The following BCAR3 variants were observed in gnomAD, a reference collection of about 807,000 sequenced individuals.
The protein encoded by BCAR3 is BCAR3 adaptor protein, NSP family member.
In BCAR3, 37 loss-of-function variants were observed where a neutral mutation model predicts 80.1. The ratio of observed to expected loss-of-function variants is 0.46; its 90% CI spans 0.36 to 0.61. The LOEUF (loss-of-function observed/expected upper bound fraction) is 0.61, where lower values mean the gene tolerates loss of function less well. Ranked by LOEUF, BCAR3 falls within the 20% of genes least tolerant of loss-of-function variation. The probability of loss-of-function intolerance (pLI) is 0.00; values close to 1 mark genes in which losing one functional copy is unlikely to be tolerated. For synonymous variants in BCAR3, 389 were observed against 418.9 expected (o/e 0.93, Z 0.87); for missense variants, 978 against 1,068.2 (o/e 0.92, Z 1.18).
intron 3 of BCAR3, among the ~76,000 whole-genome samples, chr1:93,630,143 C>T (rs1255814656): frequency 6.6e-6 from 1 of 152,048 alleles, no homozygotes; most frequent in Non-Finnish European, 1.5e-5. Flanking sequence ...CCCCATTTAC[C>T]CTGATGTGAT....
At chr1:93,583,908 C>T in intron 6 of BCAR3, 110 bp downstream of exon 6, 1 of 1,054,642 alleles carries the variant, frequency 9.5e-7, no homozygotes. Flanking sequence ...AGGCTGCAGG[C>T]CTGAGGCCTT....
chr1:93,725,705 T>C (rs904567873), intron 2 of BCAR3, among the ~76,000 whole-genome samples: 3 of 152,262 alleles, frequency 2.0e-5, no homozygotes, highest in Admixed American at 2.0e-4. Context: ...TATTCTTCAG[T>C]ATTCTCTCTA....
intron 2 of BCAR3, among the ~76,000 whole-genome samples, chr1:93,823,000 T>G (rs74101579): frequency 0.19 from 24,965 of 132,116 alleles, 6,581 homozygotes; most frequent in East Asian, 0.39. Flanking sequence ...AAGGCAATCT[T>G]CTGGGGCCCT....
intron 2 of BCAR3, chr1:93,845,508 T>TCA (rs1655144928): frequency 1.8e-5 from 1 of 56,388 alleles, no homozygotes; most frequent in Admixed American, 2.2e-4. Flanking sequence ...ATATAAAACT[T>TCA]TGTTTACATT....
intron 1 of BCAR3, among the ~76,000 whole-genome samples, chr1:93,676,157 G>C (rs1008821980): frequency 6.6e-6 from 1 of 152,132 alleles, no homozygotes; most frequent in Non-Finnish European, 1.5e-5. Context: ...ACTCAGGGAA[G>C]AGCTTTGCAT....
At chr1:93,694,937 C>T (rs1223008655) in intron 3 of BCAR3, among the ~76,000 whole-genome samples, 81 of 151,792 alleles carry the variant, frequency 5.3e-4, no homozygotes, top group Non-Finnish European at 1.2e-4. Flanking sequence ...TTCACCTGTG[C>T]TCCACCTCAG....
intron 2 of BCAR3, among the ~76,000 whole-genome samples, chr1:93,663,046 G>A (rs1055857231): frequency 6.6e-6 from 1 of 152,072 alleles, no homozygotes; most frequent in Admixed American, 6.5e-5. Flanking sequence ...TTATCGGGTG[G>A]CATTAGAGTC....
chr1:93,827,244 CTGGGAGACCAAAA>C (rs938002280), intron 2 of BCAR3, among the ~76,000 whole-genome samples: 2 of 152,256 alleles, frequency 1.3e-5, no homozygotes, highest in Non-Finnish European at 2.9e-5. Flanking sequence ...CAACCTTTAG[CTGGGAGACCAAAA>C]AGTACTGCAT....
intron 2 of BCAR3, among the ~76,000 whole-genome samples, chr1:93,817,206 G>T (rs1357458617): frequency 6.6e-6 from 1 of 152,224 alleles, no homozygotes; most frequent in East Asian, 1.9e-4. Context: ...CCTTATATGT[G>T]AGCAGGCACT....
intron 3 of BCAR3, among the ~76,000 whole-genome samples, chr1:93,624,755 T>A (rs1226767858): frequency 1.3e-5 from 2 of 152,222 alleles, no homozygotes; most frequent in African/African-American, 4.8e-5. Flanking sequence ...TTGTTCATGG[T>A]ATTTGCAAGA....
chr1:93,824,367 T>G (rs1311838454), intron 2 of BCAR3, among the ~76,000 whole-genome samples: 1 of 134,082 alleles, frequency 7.5e-6, no homozygotes, highest in Non-Finnish European at 1.7e-5. Context: ...CTGTTGGCAC[T>G]GAACACACAG....
intron 2 of BCAR3, among the ~76,000 whole-genome samples, chr1:93,819,881 T>A (rs965424818): frequency 1.3e-5 from 2 of 152,238 alleles, no homozygotes; most frequent in African/African-American, 2.4e-5. Flanking sequence ...ATGGGCATCA[T>A]ACCTGATAGA....
intron 2 of BCAR3, among the ~76,000 whole-genome samples, chr1:93,799,811 C>T (rs1412649832): frequency 6.6e-6 from 1 of 152,164 alleles, no homozygotes; most frequent in Admixed American, 6.5e-5. Context: ...CATAACAGTC[C>T]AGGTATATTG....
chr1:93,694,363 G>A (rs17110320), intron 3 of BCAR3, among the ~76,000 whole-genome samples: 1,881 of 150,372 alleles, frequency 0.013, 41 homozygotes, highest in African/African-American at 0.044. Context: ...CCCAGCCACC[G>A]TGGGATCCCG....
intron 3 of BCAR3, among the ~76,000 whole-genome samples, chr1:93,606,795 C>G (rs1300198849): frequency 6.6e-6 from 1 of 152,068 alleles, no homozygotes; most frequent in Non-Finnish European, 1.5e-5. Flanking sequence ...AAAGAGAAAC[C>G]CAAGAAGACA....
At chr1:93,594,232 C>T (rs1674329890) in intron 3 of BCAR3, 2 of 152,164 alleles carry the variant, frequency 1.3e-5, no homozygotes, top group South Asian at 2.1e-4. Flanking sequence ...TAAACAAATA[C>T]CCTAGGATGA....
At chr1:93,753,543 TACACACACACACACAC>T (rs5776188) in intron 2 of BCAR3, 3,379 of 137,636 alleles carry the variant, frequency 0.025, 145 homozygotes, top group African/African-American at 0.086. Context: ...TGCACGCGGG[TACACACACACACACAC>T]ACACACACAC....
chr1:93,796,928 C>A (rs970713096), intron 2 of BCAR3, among the ~76,000 whole-genome samples: 2 of 152,086 alleles, frequency 1.3e-5, no homozygotes, highest in Non-Finnish European at 1.5e-5. Context: ...TAAAAATGAT[C>A]CCAATTTCCA....
chr1:93,608,668 G>A (rs1425594214), intron 3 of BCAR3, among the ~76,000 whole-genome samples: 2 of 152,190 alleles, frequency 1.3e-5, no homozygotes, highest in Non-Finnish European at 1.5e-5. Context: ...CCCAGCTCCA[G>A]GGTCTGCTAG....
Sources: allele counts gnomAD v4.1 joint callset (sites outside exome capture counted in the v4.1 genomes callset), GRCh38; gene constraint gnomAD v4.1.1; transcripts MANE v1.5; gene names NCBI Gene and HGNC (gene_info 2026-07-23, HGNC 2026-07-21).